MYO3B: variants seen among roughly 807,000 people sequenced by gnomAD.
MYO3B encodes the protein myosin-IIIb.
A neutral mutation model predicts 174.6 loss-of-function variants in MYO3B; 156 were observed. That is an observed-to-expected ratio of 0.89 (90% CI 0.78 to 1.02). The LOEUF (loss-of-function observed/expected upper bound fraction) is 1.02. Among genes scored for constraint, MYO3B ranks in the 50% least tolerant of loss-of-function variants. The pLI, the probability that MYO3B is intolerant of heterozygous loss-of-function variation, is 0.00. For missense variants in MYO3B, 1,632 were observed against 1,639.4 expected (o/e 1.00, Z 0.08); for synonymous variants, 563 against 569.1 (o/e 0.99, Z 0.15).
At chr2:170,422,156 C>T (rs1323127517) in intron 22 of MYO3B, among the ~76,000 whole-genome samples, 1 of 152,188 alleles carries the variant, frequency 6.6e-6, no homozygotes, top group Non-Finnish European at 1.5e-5. Context: ...AGACCAACCC[C>T]TAATATCTCT....
At chr2:170,192,669 G>C (rs1357689088) in intron 1 of MYO3B, among the ~76,000 whole-genome samples, 2 of 150,274 alleles carry the variant, frequency 1.3e-5, no homozygotes, top group Admixed American at 6.6e-5. Flanking sequence ...ATTATAATTT[G>C]CTTGGTAAAA....
At chr2:170,458,834 G>A (rs986405172) in intron 23 of MYO3B, among the ~76,000 whole-genome samples, 2 of 152,204 alleles carry the variant, frequency 1.3e-5, no homozygotes, top group African/African-American at 4.8e-5. Context: ...AAATATACAA[G>A]AGATCCCTCA....
chr2:170,255,809 T>C (rs1199796326), intron 7 of MYO3B, among the ~76,000 whole-genome samples: 1 of 152,222 alleles, frequency 6.6e-6, no homozygotes, highest in Non-Finnish European at 1.5e-5. Context: ...CAAATTGAAA[T>C]GTCTGAAATG....
rs374406879 is a variant in MYO3B at position 170,466,683 on chromosome 2, C to A, written c.2986C>A (p.Arg996Ser). ...VSIRRQGYSH[R>S]ILFEEFVKRY... ...CATCCGCCGCCAGGGCTATTCCCAC[C>A]GCATCCTTTTTGAAGAATTTGTGAA... is the stretch of plus-strand genomic sequence containing the variant. The change falls in exon 25 of 35, where the codon CGC becomes AGC. Residue 996 changes from arginine (R) to serine (S), a missense_variant. Arg to Ser is a moderately radical substitution (Grantham distance 110). Transcript: ENST00000408978. The A allele has an allele frequency of 4.3e-6, 7 of 1,614,092 alleles. No homozygotes were observed. Among genetic ancestry groups the A allele is most frequent in the Non-Finnish European group, 8.5e-7 (1 of 1,179,954 alleles).
chr2:170,243,247 C>T (rs1205468781), intron 7 of MYO3B, among the ~76,000 whole-genome samples: 1 of 152,190 alleles, frequency 6.6e-6, no homozygotes, highest in East Asian at 1.9e-4. Flanking sequence ...TGGGCTTGCT[C>T]ATGCATCTGT....
chr2:170,581,797 G>C (rs1693166296), intron 32 of MYO3B, among the ~76,000 whole-genome samples: 1 of 151,998 alleles, frequency 6.6e-6, no homozygotes, highest in Non-Finnish European at 1.5e-5. Context: ...AATATTTACT[G>C]TATATACAAT....
intron 7 of MYO3B, among the ~76,000 whole-genome samples, chr2:170,311,809 C>T (rs1434544065): frequency 1.3e-5 from 2 of 152,048 alleles, no homozygotes; most frequent in South Asian, 2.1e-4. Context: ...GGTCCAACTT[C>T]GTCTTTTGTG....
chr2:170,540,248 C>T (rs762787160), intron 30 of MYO3B, among the ~76,000 whole-genome samples: 8 of 151,714 alleles, frequency 5.3e-5, no homozygotes, highest in South Asian at 2.1e-4. Flanking sequence ...CACTTGAGCC[C>T]AGGAGTTCGA....
At chr2:170,368,596 G>A (rs111702347) in intron 8 of MYO3B, among the ~76,000 whole-genome samples, 3 of 152,230 alleles carry the variant, frequency 2.0e-5, no homozygotes, top group Non-Finnish European at 4.4e-5. Context: ...TTATCATTTC[G>A]AATGGACTTT....
At position 170,206,236 on chromosome 2, in the gene MYO3B, T is replaced by C. The variant is rs2092712442; in HGVS notation, c.321+5952T>C. Among the ~76,000 whole-genome samples the C allele has an allele frequency of 6.6e-6, 1 of 152,164 alleles. No individual in the cohort carries two copies. The highest frequency in any genetic ancestry group is 2.4e-5 in the African/African-American group (1 of 41,430). On this transcript the variant is annotated intron_variant, in intron 3 of 34. Transcript: ENST00000408978. The surrounding 1 kb of genome is among the most constrained non-coding windows in gnomAD (Gnocchi z 4.3). ...TCATGTCCACCTGCCCCAAACCCAT[T>C]TGTCCTTCAAACTCATTGTAAATGT...
In MYO3B at chr2:170,371,091, A is replaced by ATG. The variant is rs1251286068; in HGVS notation, c.971+1714_971+1715insTG. Among the ~76,000 whole-genome samples the ATG allele has an allele frequency of 1.0e-3, 157 of 151,588 alleles. 1 individual carries two copies. Among genetic ancestry groups the ATG allele is most frequent in the African/African-American group, 3.7e-3 (154 of 41,320 alleles). On this transcript the variant is annotated intron_variant, in intron 9 of 34. Transcript: ENST00000408978. ...AAATTAGCTGGGCATAGTGGCAGGC[A>ATG]CCTGTAATCCCAGCTGCTCGGGAGG...
At chr2:170,316,160 A>G (rs1574772899) in intron 7 of MYO3B, among the ~76,000 whole-genome samples, 1 of 152,250 alleles carries the variant, frequency 6.6e-6, no homozygotes, top group Admixed American at 6.5e-5. Context: ...TCAGCCATAC[A>G]TGCATATGCA....
At chr2:170,627,431 T>G (rs1195784265) in intron 32 of MYO3B, among the ~76,000 whole-genome samples, 2 of 152,166 alleles carry the variant, frequency 1.3e-5, no homozygotes, top group Non-Finnish European at 2.9e-5. Flanking sequence ...TCTGCATTGG[T>G]TATTCTAGTT....
chr2:170,444,653 C>A (rs915036789), intron 23 of MYO3B, among the ~76,000 whole-genome samples: 1 of 152,138 alleles, frequency 6.6e-6, no homozygotes, highest in African/African-American at 2.4e-5. Flanking sequence ...AAAGAATAAA[C>A]AATTTGGCCA....
chr2:170,432,421 T>C lies in MYO3B; in HGVS notation c.2651-11546T>C, dbSNP rs570594332. Among the ~76,000 whole-genome samples, 222 of 152,166 alleles carry C rather than the reference T, an allele frequency of 1.5e-3. 2 individuals carry two copies. The highest frequency in any genetic ancestry group is 2.1e-3 in the Non-Finnish European group (141 of 68,006). On this transcript the variant is annotated intron_variant, in intron 22 of 34. Transcript: ENST00000408978. ...AATCTTAAAAATTTAAAAAGGCTTA[T>C]AGAATTAAGATATAAAGAAAATATT... is the stretch of plus-strand genomic sequence containing the variant.
At chr2:170,326,564 A>G (rs1261397280) in intron 7 of MYO3B, among the ~76,000 whole-genome samples, 2 of 152,184 alleles carry the variant, frequency 1.3e-5, no homozygotes, top group Non-Finnish European at 2.9e-5. Flanking sequence ...ACAACGAGCC[A>G]CACACCCACT....
intron 32 of MYO3B, among the ~76,000 whole-genome samples, chr2:170,603,052 G>A (rs1435304873): frequency 6.6e-6 from 1 of 152,010 alleles, no homozygotes; most frequent in Non-Finnish European, 1.5e-5. Flanking sequence ...TGGGCAACAA[G>A]AGCGAAACTC....
intron 32 of MYO3B, among the ~76,000 whole-genome samples, chr2:170,650,672 CTTTTTTTTTTTTT>C (rs766676996): frequency 3.9e-5 from 3 of 76,974 alleles, no homozygotes; most frequent in Admixed American, 1.7e-4. Context: ...TGAATTATGA[CTTTTTTTTTTTTT>C]TTTTTTTTTT....
chr2:170,430,327 A>T (rs747856428), intron 22 of MYO3B, among the ~76,000 whole-genome samples: 2 of 151,496 alleles, frequency 1.3e-5, no homozygotes, highest in Non-Finnish European at 2.9e-5. Context: ...GGTTTTCAAC[A>T]TTCCCATCAA....
Sources: gnomAD v4.1 joint callset for allele counts (sites outside exome capture counted in the v4.1 genomes callset) on GRCh38, gnomAD v4.1.1 for gene constraint, Gnocchi (gnomAD v3.1) non-coding constraint, MANE v1.5 for transcripts, NCBI Gene and HGNC (gene_info 2026-07-23, HGNC 2026-07-21) for gene names.